ATRNL1: variants seen among roughly 807,000 people sequenced by gnomAD.
ATRNL1 encodes attractin-like protein 1.
In ATRNL1, 95 loss-of-function variants were observed where a neutral mutation model predicts 182.7. The observed-to-expected ratio is 0.52, with a 90% CI of 0.44 to 0.62. The LOEUF (loss-of-function observed/expected upper bound fraction) is 0.62. ATRNL1 is among the 20% of genes least tolerant of loss of function. The pLI, the probability that ATRNL1 is intolerant of heterozygous loss-of-function variation, is 0.00. For synonymous variants in ATRNL1, 576 were observed against 568.3 expected, an observed-to-expected ratio of 1.01 and a Z score of -0.19; for missense variants, 1,471 against 1,679.5, an observed-to-expected ratio of 0.88 and a Z score of 2.17.
chr10:115,512,503 ATTT>A (rs1554982887), intron 24 of ATRNL1, among the ~76,000 whole-genome samples: 1 of 151,306 alleles, frequency 6.6e-6, no homozygotes, highest in African/African-American at 2.4e-5. Flanking sequence ...TCTTGAAGTT[ATTT>A]ATTTATATTT....
At chr10:115,794,588 A>G (rs1031225936) in intron 27 of ATRNL1, among the ~76,000 whole-genome samples, 6 of 152,248 alleles carry the variant, frequency 3.9e-5, no homozygotes, top group African/African-American at 9.6e-5. Context: ...ATGTCCCTCA[A>G]TTTGGATTTG....
chr10:115,123,615 C>G (rs1844836003), intron 3 of ATRNL1, among the ~76,000 whole-genome samples: 1 of 152,104 alleles, frequency 6.6e-6, no homozygotes, highest in Non-Finnish European at 1.5e-5. Context: ...TGGGCTAGAA[C>G]AGATTTCCTA....
At chr10:115,582,716 G>T (rs781907693) in intron 26 of ATRNL1, among the ~76,000 whole-genome samples, 9 of 149,476 alleles carry the variant, frequency 6.0e-5, no homozygotes, top group Non-Finnish European at 1.2e-4. Flanking sequence ...TCTGATGGTA[G>T]TTTCTTTTGC....
chr10:115,454,999 C>G (rs1847453536), intron 21 of ATRNL1, among the ~76,000 whole-genome samples: 1 of 152,050 alleles, frequency 6.6e-6, no homozygotes, highest in African/African-American at 2.4e-5. Flanking sequence ...ATACTTACAG[C>G]TTTTTATCAT....
chr10:115,400,737 G>C (rs1167294941), intron 20 of ATRNL1, among the ~76,000 whole-genome samples: 4 of 151,996 alleles, frequency 2.6e-5, no homozygotes, highest in African/African-American at 9.7e-5. Context: ...TTTAAAGTCT[G>C]TTTTGTCAGA....
chr10:115,292,771 G>T (rs1244507900), intron 15 of ATRNL1, among the ~76,000 whole-genome samples: 2 of 152,054 alleles, frequency 1.3e-5, no homozygotes, highest in African/African-American at 4.8e-5. Flanking sequence ...TTTGCTTTGT[G>T]TCCTACCATA....
At chr10:115,752,113 C>A (rs954359880) in intron 27 of ATRNL1, among the ~76,000 whole-genome samples, 12 of 151,916 alleles carry the variant, frequency 7.9e-5, no homozygotes, top group Admixed American at 6.6e-5. Flanking sequence ...ATGACTGAAT[C>A]TTATGAGAAT....
intron 21 of ATRNL1, among the ~76,000 whole-genome samples, chr10:115,429,978 G>A (rs1390585812): frequency 6.6e-6 from 1 of 152,178 alleles, no homozygotes; most frequent in Non-Finnish European, 1.5e-5. Flanking sequence ...GACTGAGATG[G>A]GAGAATGTCA....
intron 28 of ATRNL1, among the ~76,000 whole-genome samples, chr10:115,886,074 G>A (rs1951937669): frequency 6.6e-6 from 1 of 152,188 alleles, no homozygotes; most frequent in Non-Finnish European, 1.5e-5. Flanking sequence ...AAGGACAGAG[G>A]TCTGCTTAAT....
Position 115,847,829 on chromosome 10 carries a change from G to A in ATRNL1, c.3904-48G>A, listed in dbSNP as rs782198283. ...GATAGATAAGGTGAAAATTAAAATA[G>A]CAATGCTATGTCAATTTTGCAAACT... On this transcript the variant is annotated intron_variant, in intron 27 of 28. Coordinates refer to ENST00000355044, the MANE Select transcript of ATRNL1 (RefSeq NM_207303.4). The A allele has an allele frequency of 9.4e-6, 9 of 954,706 alleles. No homozygotes were observed. In the African/African-American group the frequency reaches 1.4e-4, roughly 15 times the overall value. 59.1% of individuals were successfully genotyped at this position (954,706 alleles called of 1,614,324 possible).
chr10:115,181,123 A>T (rs1274859528), intron 8 of ATRNL1, among the ~76,000 whole-genome samples: 1 of 151,906 alleles, frequency 6.6e-6, no homozygotes, highest in Non-Finnish European at 1.5e-5. Flanking sequence ...TTCAGGTAAA[A>T]GATTGATGGA....
At chr10:115,318,054 C>G (rs1223682940) in intron 18 of ATRNL1, among the ~76,000 whole-genome samples, 1 of 151,422 alleles carries the variant, frequency 6.6e-6, no homozygotes, top group African/African-American at 2.4e-5. Context: ...CTCCTATTAT[C>G]GAGCTGTGTT....
chr10:115,845,702 T>TC (rs1487257404), intron 27 of ATRNL1, among the ~76,000 whole-genome samples: 1 of 9,356 alleles, frequency 1.1e-4, no homozygotes, highest in Non-Finnish European at 2.1e-4. Context: ...TGCAGTCGAG[T>TC]TTTTTTTTTA....
At chr10:115,651,938 TGTTTA>T (rs1555034424) in intron 26 of ATRNL1, among the ~76,000 whole-genome samples, 2 of 152,122 alleles carry the variant, frequency 1.3e-5, no homozygotes. Context: ...TAGAATGAAC[TGTTTA>T]GTTAACTATT....
intron 5 of ATRNL1, among the ~76,000 whole-genome samples, chr10:115,138,402 A>G (rs1466732499): frequency 7.9e-5 from 12 of 152,226 alleles, no homozygotes; most frequent in Admixed American, 6.5e-4. Context: ...GTTCTCCATG[A>G]GGGCTCTGCC....
chr10:115,425,039 T>G (rs1188244347), intron 20 of ATRNL1, among the ~76,000 whole-genome samples: 1 of 152,124 alleles, frequency 6.6e-6, no homozygotes, highest in Non-Finnish European at 1.5e-5. Flanking sequence ...ATTATCATAT[T>G]TTGACTTTAA....
At chr10:115,236,597 A>G (rs532106208) in intron 9 of ATRNL1, among the ~76,000 whole-genome samples, 1 of 152,262 alleles carries the variant, frequency 6.6e-6, no homozygotes, top group East Asian at 1.9e-4. Context: ...AATAAACTCT[A>G]TGTTTTAGAG....
chr10:115,129,330 C>G lies in ATRNL1; in HGVS notation c.624C>G (p.Ile208Met). The G allele has an allele frequency of 6.2e-7, 1 of 1,610,074 alleles. No individual in the cohort carries two copies. The highest frequency in any genetic ancestry group is 1.1e-5 in the South Asian group (1 of 90,878). The change falls in exon 5 of 29, where the codon ATC becomes ATG. Residue 208 changes from isoleucine to methionine, a missense_variant. By Grantham distance (10) the Ile-to-Met change is conservative. Around this residue, in one of 3 missense-constraint regions of ATRNL1, gnomAD observed 1,031 missense variants for 1,156.0 expected, o/e 0.89. Transcript: ENST00000355044. ...ATATATGAATTATATTTTACAGAAT[C>G]AATTCTTGTCCTAACAATTGCTCTG... is the stretch of plus-strand genomic sequence containing the variant. ...NLTGFNIFYS[I>M]NSCPNNCSGH...
intron 28 of ATRNL1, among the ~76,000 whole-genome samples, chr10:115,898,796 G>T (rs1054439175): frequency 1.3e-5 from 2 of 152,164 alleles, no homozygotes; most frequent in Non-Finnish European, 2.9e-5. Flanking sequence ...GTTCATTTTT[G>T]TAGCAAAGCT....
Sources: allele counts gnomAD v4.1 joint callset (sites outside exome capture counted in the v4.1 genomes callset), GRCh38; gene constraint gnomAD v4.1.1; regional missense constraint gnomAD v4.1.1; transcripts MANE v1.5; gene names NCBI Gene and HGNC (gene_info 2026-07-23, HGNC 2026-07-21).